The following CNTN4 variants were observed in gnomAD, a reference collection of about 807,000 sequenced individuals.
CNTN4 encodes contactin 4, also known as contactin-4.
In CNTN4, 77 loss-of-function variants were observed where a neutral mutation model predicts 122.5. The ratio of observed to expected loss-of-function variants is 0.63; its 90% CI spans 0.52 to 0.76. The LOEUF (loss-of-function observed/expected upper bound fraction) is 0.76, where lower values mean the gene tolerates loss of function less well. CNTN4 is among the 30% of genes least tolerant of loss of function. The probability of loss-of-function intolerance (pLI) is 0.00; values close to 1 mark genes in which losing one functional copy is unlikely to be tolerated. For missense variants in CNTN4, 1,256 were observed against 1,259.1 expected (o/e 1.00, Z 0.04); for synonymous variants, 512 against 447.0 (o/e 1.15, Z -1.83).
intron 3 of CNTN4, among the ~76,000 whole-genome samples, chr3:2,517,318 G>C (rs1210900639): frequency 6.6e-6 from 1 of 152,068 alleles, no homozygotes; most frequent in Non-Finnish European, 1.5e-5. Context: ...TGATAAATAT[G>C]TATTTATGGA....
rs577223988 is a variant in CNTN4, at chr3:2,124,850, C to T, written c.-145+24211C>T. ...ACACAGATTTAATGTATACAATTTG[C>T]GGATTTTAATATATGCAAAGATGCA... On this transcript the variant is annotated intron_variant, in intron 2 of 24. Transcript: ENST00000418658. Among the ~76,000 whole-genome samples the T allele has an allele frequency of 1.4e-4, 21 of 152,226 alleles. No homozygotes were observed. In the East Asian group the frequency reaches 1.5e-3, roughly 11 times the overall value.
chr3:2,579,935 G>T (rs2079860503), intron 4 of CNTN4, among the ~76,000 whole-genome samples: 1 of 152,152 alleles, frequency 6.6e-6, no homozygotes, highest in African/African-American at 2.4e-5. Context: ...GTGGTTGAAG[G>T]TGTTAGAACA....
intron 4 of CNTN4, among the ~76,000 whole-genome samples, chr3:2,625,602 G>C (rs998844773): frequency 6.6e-6 from 1 of 152,070 alleles, no homozygotes; most frequent in African/African-American, 2.4e-5. Context: ...GTTGAAACTT[G>C]TGACTTGCTT....
Position 2,607,609 on chromosome 3 carries a change from T to TA in CNTN4, c.55+36051_55+36052insA, listed in dbSNP as rs1553580821. Among the ~76,000 whole-genome samples, 23 of 10,534 alleles carry TA rather than the reference T, an allele frequency of 2.2e-3. No homozygotes were observed. The East Asian group carries it at 0.032, about 15-fold the overall frequency. 6.9% of individuals were successfully genotyped at this position (10,534 alleles called of 152,430 possible). ...TAATACGTGTGTATATACATATGCATCCACACACACACACACATAACTAAT... is the reference window on the plus strand; with the variant it reads ...TAATACGTGTGTATATACATATGCATACCACACACACACACACATAACTAAT... On this transcript the variant is annotated intron_variant, in intron 4 of 24. Transcript: ENST00000418658.
At chr3:2,146,318 A>G (rs1032330276) in intron 2 of CNTN4, among the ~76,000 whole-genome samples, 2 of 151,564 alleles carry the variant, frequency 1.3e-5, no homozygotes, top group Non-Finnish European at 2.9e-5. Context: ...TTTTGATTAG[A>G]GTAAAATTTA....
At chr3:2,299,296 CTTTTA>C (rs1471796573) in intron 2 of CNTN4, among the ~76,000 whole-genome samples, 4 of 152,006 alleles carry the variant, frequency 2.6e-5, no homozygotes, top group African/African-American at 4.8e-5. Context: ...TTAAATGAAT[CTTTTA>C]TTTTACTGGA....
At chr3:2,311,203 C>T (rs1194337146) in intron 2 of CNTN4, among the ~76,000 whole-genome samples, 2 of 152,044 alleles carry the variant, frequency 1.3e-5, no homozygotes, top group African/African-American at 4.8e-5. Context: ...TCCTGCCTAG[C>T]AGTAGTAGCA....
chr3:2,154,922 C>G (rs1180380395), intron 2 of CNTN4, among the ~76,000 whole-genome samples: 3 of 152,212 alleles, frequency 2.0e-5, no homozygotes, highest in Admixed American at 6.5e-5. Context: ...AAAAGTGCTG[C>G]TCATGGTAAA....
intron 2 of CNTN4, among the ~76,000 whole-genome samples, chr3:2,200,889 G>C (rs2038067235): frequency 6.6e-6 from 1 of 152,078 alleles, no homozygotes; most frequent in Non-Finnish European, 1.5e-5. Context: ...GAATTTTTTT[G>C]ACTCCACTAC....
chr3:3,040,080 T>A lies in CNTN4; in HGVS notation c.2207T>A (p.Val736Glu), dbSNP rs766681869. Residue 736 changes from valine (V) to glutamate (E), a missense_variant, in exon 20 of 25, where the codon GTG (valine) becomes GAG (glutamate). Coordinates refer to ENST00000418658, the MANE Select transcript of CNTN4 (RefSeq NM_175607.3). ...CAGAATGGTCGAGGCTTTGGTTATG[T>A]GGTGGCCTTCCGGCCCTACGGTAAA... is the stretch of plus-strand genomic sequence containing the variant. ...ELQNGRGFGY[V>E]VAFRPYGKMI... 2 of 1,614,060 alleles carry A rather than the reference T, an allele frequency of 1.2e-6. No homozygotes were observed. The highest frequency in any genetic ancestry group is 1.7e-6 in the Non-Finnish European group (2 of 1,179,978).
chr3:3,041,828 C>T (rs555995536), intron 20 of CNTN4, among the ~76,000 whole-genome samples: 20 of 152,186 alleles, frequency 1.3e-4, no homozygotes, highest in Non-Finnish European at 2.2e-4. Flanking sequence ...CGTGTTGGCA[C>T]ATGTGTGTGT....
intron 13 of CNTN4, among the ~76,000 whole-genome samples, chr3:2,950,081 TA>T (rs2094722491): frequency 6.6e-6 from 1 of 152,372 alleles, no homozygotes; most frequent in African/African-American, 2.4e-5. Context: ...CCCACCTGAT[TA>T]AGTACCTTAT....
At chr3:2,844,289 T>C (rs941762520) in intron 7 of CNTN4, among the ~76,000 whole-genome samples, 4 of 152,250 alleles carry the variant, frequency 2.6e-5, no homozygotes, top group Non-Finnish European at 4.4e-5. Flanking sequence ...ATACTCCTTT[T>C]TGAGAATTAT....
Position 2,444,731 on chromosome 3 carries a change from T to TTGGC in CNTN4, c.-89+105526_-89+105529dup, listed in dbSNP as rs529016308. 4.3e-3 allele frequency among the ~76,000 whole-genome samples: 647 copies of TTGGC among 151,824 alleles called. 2 individuals are homozygous for TTGGC. The highest frequency in any genetic ancestry group is 0.015 in the African/African-American group (618 of 41,364). On this transcript the variant is annotated intron_variant, in intron 3 of 24. Coordinates refer to ENST00000418658, the MANE Select transcript of CNTN4 (RefSeq NM_175607.3). Reference sequence around the variant, plus strand: ...ACTGCAGCCTAGTACTGAATAAATATTGGCTGGCTGGCTGGCTGGCTGGCT... The same window carrying TTGGC: ...ACTGCAGCCTAGTACTGAATAAATATTGGCTGGCTGGCTGGCTGGCTGGCTGGCT...
chr3:2,800,079 CTT>C (rs11449693), intron 6 of CNTN4, among the ~76,000 whole-genome samples: 12 of 136,476 alleles, frequency 8.8e-5, no homozygotes, highest in Non-Finnish European at 1.1e-4. Context: ...ATGCCATCTA[CTT>C]TTTTTTTTTT....
chr3:2,125,037 G>T (rs1043309397), intron 2 of CNTN4, among the ~76,000 whole-genome samples: 3 of 152,056 alleles, frequency 2.0e-5, no homozygotes, highest in Non-Finnish European at 2.9e-5. Context: ...GCACTATGTC[G>T]TGTAGCAGAT....
intron 2 of CNTN4, among the ~76,000 whole-genome samples, chr3:2,308,284 A>G (rs1351988442): frequency 6.6e-6 from 1 of 151,648 alleles, no homozygotes; most frequent in Non-Finnish European, 1.5e-5. Flanking sequence ...TAGGATTTTG[A>G]ATTTTCTCAA....
intron 2 of CNTN4, among the ~76,000 whole-genome samples, chr3:2,220,969 A>G: frequency 6.6e-6 from 1 of 152,142 alleles, no homozygotes; most frequent in African/African-American, 2.4e-5. Context: ...CTTGATGCAC[A>G]TTAATACTTC....
chr3:2,830,478 C>G (rs2093080801), intron 7 of CNTN4, among the ~76,000 whole-genome samples: 1 of 152,152 alleles, frequency 6.6e-6, no homozygotes, highest in South Asian at 2.1e-4. Context: ...ACATGCAGAG[C>G]TTTTTCTTTT....
Sources: allele counts gnomAD v4.1 joint callset (sites outside exome capture counted in the v4.1 genomes callset), GRCh38; gene constraint gnomAD v4.1.1; transcripts MANE v1.5; gene names NCBI Gene and HGNC (gene_info 2026-07-23, HGNC 2026-07-21).